Variants in ARPC2 observed in about 807,000 individuals in gnomAD.
ARPC2 encodes actin-related protein 2/3 complex subunit 2.
Under a neutral mutation model 38.6 loss-of-function variants are expected in ARPC2, and 4 were observed. The observed-to-expected ratio is 0.10, with a 90% confidence interval of 0.05 to 0.24. The LOEUF is 0.24. Among genes scored for constraint, ARPC2 ranks in the 10% least tolerant of loss-of-function variants. ARPC2 has a pLI of 1.00. For missense variants in ARPC2, 229 were observed against 387.3 expected, an observed-to-expected ratio of 0.59 and a Z score of 3.43; for synonymous variants, 125 against 140.8, an observed-to-expected ratio of 0.89 and a Z score of 0.79.
chr2:218,253,051 ACT>A, intron 10 of ARPC2: 2 of 453,764 alleles, frequency 4.4e-6, no homozygotes, highest in Non-Finnish European at 8.9e-6. Context: ...GAGTTAAGTG[ACT>A]CAGCTGTGGG....
intron 5 of ARPC2, among the ~76,000 whole-genome samples, chr2:218,236,974 G>T (rs1689787401): frequency 6.6e-6 from 1 of 152,142 alleles, no homozygotes; most frequent in Admixed American, 6.5e-5. Flanking sequence ...TCTCTAGGCA[G>T]TTTGACACTT....
chr2:218,226,064 G>A, intron 3 of ARPC2, 110 bp downstream of exon 3: 1 of 1,071,460 alleles, frequency 9.3e-7, no homozygotes, highest in Non-Finnish European at 1.4e-6. Flanking sequence ...GGAGTCCGAG[G>A]CAGGTGGATC....
chr2:218,245,320 G>C, intron 7 of ARPC2, 100 bp from the exon 8 acceptor site: 1 of 1,463,468 alleles, frequency 6.8e-7, no homozygotes, highest in East Asian at 2.3e-5. Flanking sequence ...TGGTCTGGAG[G>C]GCTACAAAGG....
rs1364747200 is a variant in ARPC2, at chr2:218,249,399, G to C, written c.712G>C (p.Asp238His). The C allele has an allele frequency of 3.1e-6, 5 of 1,613,594 alleles. No individual in the cohort carries two copies. The highest frequency in any genetic ancestry group is 4.2e-6 in the Non-Finnish European group (5 of 1,179,888). ...FPRHTNASAR[D>H]NTINLIHTFR... ...TCGTCACACCAATGCCAGTGCTCGAGACAACACCATCAACCTGATCCACAC... is the reference window on the plus strand; with the variant it reads ...TCGTCACACCAATGCCAGTGCTCGACACAACACCATCAACCTGATCCACAC... Residue 238 changes from aspartate to histidine, a missense_variant, in exon 9 of 11, where the codon GAC becomes CAC. This residue lies in a region of ARPC2 where 92 missense variants were observed against 152.3 expected (regional missense o/e 0.60). Coordinates refer to ENST00000315717, the MANE Select transcript of ARPC2 (RefSeq NM_152862.3).
At chr2:218,251,481 G>A (rs1372213978) in intron 10 of ARPC2, among the ~76,000 whole-genome samples, 1 of 151,964 alleles carries the variant, frequency 6.6e-6, no homozygotes, top group East Asian at 1.9e-4. Flanking sequence ...CAAAGTGTTG[G>A]GATTAAGGAG....
intron 4 of ARPC2, among the ~76,000 whole-genome samples, chr2:218,232,546 A>ATTTT (rs71064418): frequency 8.4e-5 from 7 of 83,146 alleles, no homozygotes; most frequent in Non-Finnish European, 1.2e-4. Context: ...GCCAGACTCA[A>ATTTT]TTTTTTTTTT....
rs528549731 is a variant in ARPC2 at position 218,226,153 on chromosome 2, C to T, written c.109+199C>T. On this transcript the variant is annotated intron_variant, in intron 3 of 10. Coordinates refer to ENST00000315717, the MANE Select transcript of ARPC2 (RefSeq NM_152862.3). ...ACTAAAAATACAAAAATTAGCCGGG[C>T]ATGGTGGTGGGCACCTGTAATCCCA... Among the ~76,000 whole-genome samples, 18 of 151,982 alleles carry T rather than the reference C, an allele frequency of 1.2e-4. No homozygotes were observed. In the East Asian group the frequency reaches 3.3e-3, roughly 28 times the overall value.
At chr2:218,222,168 G>A (rs1689397415) in intron 2 of ARPC2, among the ~76,000 whole-genome samples, 1 of 152,294 alleles carries the variant, frequency 6.6e-6, no homozygotes, top group Non-Finnish European at 1.5e-5. Context: ...TCAGGAAGCT[G>A]AGGCTGGAGA....
intron 5 of ARPC2, chr2:218,235,186 A>AT: frequency 3.9e-6 from 1 of 255,368 alleles, no homozygotes; most frequent in Non-Finnish European, 7.8e-6. Context: ...CACCTCACCT[A>AT]TTTTTTCAGA....
At chr2:218,226,523 G>A (rs34544664) in intron 3 of ARPC2, among the ~76,000 whole-genome samples, 59,709 of 150,492 alleles carry the variant, frequency 0.4, 12,435 homozygotes, top group Middle Eastern at 0.52. Context: ...CAGCTACTCC[G>A]GAGGCCGAGG....
chr2:218,228,941 C>A (rs1397749646), intron 4 of ARPC2, 91 bp downstream of exon 4: 1 of 786,676 alleles, frequency 1.3e-6, no homozygotes, highest in African/African-American at 1.7e-5. Context: ...CACTAAATCA[C>A]CCCCACATGA....
chr2:218,236,925 A>G (rs1405924028), intron 5 of ARPC2, among the ~76,000 whole-genome samples: 3 of 152,220 alleles, frequency 2.0e-5, no homozygotes, highest in Non-Finnish European at 2.9e-5. Flanking sequence ...TAGAATATAA[A>G]ATGATCCTCA....
chr2:218,234,524 T>A, intron 5 of ARPC2, 127 bp downstream of exon 5: 1 of 775,804 alleles, frequency 1.3e-6, no homozygotes, highest in Non-Finnish European at 2.1e-6. Flanking sequence ...AGCCCATTCC[T>A]AATTTCAACT....
In ARPC2 at chr2:218,239,561, G is replaced by GA. The variant is rs1689859313; in HGVS notation, c.549+80dup. 6.7e-6 allele frequency: 8 copies of GA among 1,192,396 alleles called. No homozygotes were observed. The South Asian group carries it at 1.0e-4, about 15-fold the overall frequency. The allele number at this position is 1,192,396 out of a possible 1,614,324, so 73.9% of individuals were successfully genotyped here. A position where few individuals can be genotyped will look rare whatever the true frequency, so the allele number is the denominator to read the frequency against. On this transcript the variant is annotated intron_variant, in intron 7 of 10. Coordinates refer to ENST00000315717, the MANE Select transcript of ARPC2 (RefSeq NM_152862.3). ...GCACCCAAACATACCATGAGCGTAG[G>GA]AAAGAGATCTAGCAACTCTACTGAT...
chr2:218,245,616 A>C, intron 8 of ARPC2, 70 bp downstream of exon 8: 10 of 1,582,152 alleles, frequency 6.3e-6, no homozygotes, highest in Non-Finnish European at 8.6e-6. Context: ...CTAAATCTGC[A>C]CAGAACCTTG....
intron 8 of ARPC2, among the ~76,000 whole-genome samples, chr2:218,247,981 A>T (rs947606572): frequency 4.0e-5 from 6 of 150,646 alleles, no homozygotes; most frequent in Non-Finnish European, 7.4e-5. Flanking sequence ...CAGGGTTTCC[A>T]TGTTGGCCAG....
Position 218,238,698 on chromosome 2 carries a change from T to G in ARPC2, c.303T>G (p.Asn101Lys). The G allele has an allele frequency of 1.9e-6, 3 of 1,610,392 alleles. No individual in the cohort carries two copies. The highest frequency in any genetic ancestry group is 2.5e-6 in the Non-Finnish European group (3 of 1,178,224). The stretch of plus-strand genomic sequence containing the variant: ...TCTCTTTGCTATATGACCTTGAAAA[T>G]CTTCCGGCATCCAAGGATTCCATTG... ...YNVSLLYDLE[N>K]LPASKDSIVH... The change falls in exon 6 of 11, where the codon AAT (asparagine) becomes AAG (lysine). Residue 101 changes from asparagine (N) to lysine (K), a missense_variant. Coordinates refer to ENST00000315717, the MANE Select transcript of ARPC2 (RefSeq NM_152862.3).
In ARPC2 at chr2:218,245,605, C is replaced by T. The variant is rs1016179899; in HGVS notation, c.676+59C>T. The T allele has an allele frequency of 2.3e-5, 36 of 1,597,158 alleles. No homozygotes were observed. In the African/African-American group the frequency reaches 4.4e-4, roughly 20 times the overall value. ...TTTAATGAGTTCACACAGCAGAATA[C>T]CTAAATCTGCACAGAACCTTGGTTA... On this transcript the variant is annotated intron_variant, in intron 8 of 10. Coordinates refer to ENST00000315717, the MANE Select transcript of ARPC2 (RefSeq NM_152862.3).
intron 5 of ARPC2, chr2:218,236,648 C>G (rs1012699152): frequency 6.6e-6 from 1 of 152,110 alleles, no homozygotes; most frequent in Admixed American, 6.6e-5. Context: ...CAAAATTAGC[C>G]AGGCCTGGTG....
Sources: allele counts gnomAD v4.1 joint callset (sites outside exome capture counted in the v4.1 genomes callset), GRCh38; gene constraint gnomAD v4.1.1; regional missense constraint gnomAD v4.1.1; transcripts MANE v1.5; gene names NCBI Gene and HGNC (gene_info 2026-07-23, HGNC 2026-07-21).